The following PDE11A variants were observed in gnomAD, a reference collection of about 807,000 sequenced individuals.
PDE11A encodes phosphodiesterase 11A.
In PDE11A, 100 loss-of-function variants were observed where a neutral mutation model predicts 100.5. That is an observed-to-expected ratio of 1.00 (90% CI 0.85 to 1.18). PDE11A has a LOEUF of 1.18. Among genes scored for constraint, PDE11A ranks in the 50% most tolerant of loss-of-function variants. The probability of loss-of-function intolerance (pLI) is 0.00; values close to 1 mark genes in which losing one functional copy is unlikely to be tolerated. For missense variants in PDE11A, 1,141 were observed against 1,152.6 expected, an observed-to-expected ratio of 0.99 and a Z score of 0.15; for synonymous variants, 381 against 420.8, an observed-to-expected ratio of 0.91 and a Z score of 1.16.
chr2:178,103,679 T>C (rs1483220085), intron 2 of PDE11A, among the ~76,000 whole-genome samples: 1 of 151,586 alleles, frequency 6.6e-6, no homozygotes, highest in Non-Finnish European at 1.5e-5. Context: ...ATATATATAA[T>C]CTCAAAAAAG....
chr2:177,863,390 A>G lies in PDE11A; in HGVS notation c.1367+12469T>C, dbSNP rs74853180. Among the ~76,000 whole-genome samples, 1,104 of 152,166 alleles carry G rather than the reference A, an allele frequency of 7.3e-3. 13 individuals carry two copies. The highest frequency in any genetic ancestry group is 0.025 in the African/African-American group (1,028 of 41,568). On this transcript the variant is annotated intron_variant, in intron 5 of 19. Coordinates refer to ENST00000286063, the MANE Select transcript of PDE11A (RefSeq NM_016953.4). ...AAGGAAACAACCAACAAAATGAAAT[A>G]GCAAACTATGTATTGGGAACAAATA...
intron 6 of PDE11A, among the ~76,000 whole-genome samples, chr2:177,831,096 G>A (rs190697808): frequency 6.6e-6 from 1 of 152,256 alleles, no homozygotes; most frequent in Admixed American, 6.5e-5. Context: ...GCATTCAGAA[G>A]GCAAATAATC....
chr2:177,667,337 G>A (rs570721238), intron 18 of PDE11A, among the ~76,000 whole-genome samples: 1 of 152,080 alleles, frequency 6.6e-6, no homozygotes, highest in Non-Finnish European at 1.5e-5. Context: ...CCCCTATCCA[G>A]AAGATTTATA....
intron 2 of PDE11A, among the ~76,000 whole-genome samples, chr2:177,946,983 C>A (rs867377500): frequency 1.2e-5 from 1 of 84,196 alleles, no homozygotes; most frequent in Non-Finnish European, 2.6e-5. Context: ...GCCCCCCGCC[C>A]GGCCAGCCGC....
At chr2:177,785,897 G>T (rs1399943334) in intron 9 of PDE11A, among the ~76,000 whole-genome samples, 1 of 152,238 alleles carries the variant, frequency 6.6e-6, no homozygotes, top group Admixed American at 6.5e-5. Context: ...CTTGAACTGG[G>T]TGGAGCCCAC....
chr2:177,687,703 T>C lies in PDE11A; in HGVS notation c.2346-6800A>G, dbSNP rs1574045300. Reference sequence around the variant, plus strand: ...CTCTCTGTGTATATGAATATGTACATGTATATGTAAAATTGCTGGGTCATA... The same window carrying C: ...CTCTCTGTGTATATGAATATGTACACGTATATGTAAAATTGCTGGGTCATA... On this transcript the variant is annotated intron_variant, in intron 15 of 19. Transcript: ENST00000286063. The C allele has an allele frequency of 2.0e-5, 3 of 152,348 alleles. No individual in the cohort carries two copies. In the South Asian group the frequency reaches 6.2e-4, roughly 32 times the overall value. 9.4% of individuals were successfully genotyped at this position (152,348 alleles called of 1,614,324 possible).
chr2:177,863,340 C>T (rs904211637), intron 5 of PDE11A, among the ~76,000 whole-genome samples: 1 of 151,886 alleles, frequency 6.6e-6, no homozygotes, highest in Non-Finnish European at 1.5e-5. Context: ...GGGACTACAT[C>T]AAATGAAAAA....
intron 12 of PDE11A, among the ~76,000 whole-genome samples, chr2:177,712,345 T>C (rs1008117120): frequency 3.4e-5 from 5 of 148,526 alleles, no homozygotes; most frequent in Non-Finnish European, 4.5e-5. Flanking sequence ...AACCCTTCTT[T>C]TTTTTTTTTT....
At position 177,772,028 on chromosome 2, in the gene PDE11A, TA is replaced by T. The variant is rs543497530; in HGVS notation, c.1738-2656del. Among the ~76,000 whole-genome samples the T allele has an allele frequency of 2.2e-3, 334 of 151,892 alleles. 1 individual carries two copies. The highest frequency in any genetic ancestry group is 7.8e-3 in the African/African-American group (323 of 41,420). ...ATAAATAAATAAATAAATAAATAAA[TA>T]AAAATAATGCTACTTTCTGATCATA... On this transcript the variant is annotated intron_variant, in intron 9 of 19. Transcript: ENST00000286063.
chr2:177,845,605 C>T (rs1456050266), intron 5 of PDE11A, among the ~76,000 whole-genome samples: 6 of 151,934 alleles, frequency 3.9e-5, no homozygotes, highest in African/African-American at 7.3e-5. Flanking sequence ...TGGGCAGAGA[C>T]GCTCCTCACT....
chr2:177,832,729 C>T (rs1178814143), intron 6 of PDE11A, among the ~76,000 whole-genome samples: 2 of 152,060 alleles, frequency 1.3e-5, no homozygotes, highest in African/African-American at 4.8e-5. Flanking sequence ...GGTATATGAC[C>T]TTCGAGAAAC....
intron 2 of PDE11A, among the ~76,000 whole-genome samples, chr2:177,955,513 G>A (rs1348546167): frequency 6.6e-6 from 1 of 152,162 alleles, no homozygotes; most frequent in African/African-American, 2.4e-5. Context: ...CTAGGACAGT[G>A]CTTCCCAATT....
chr2:177,967,681 C>T (rs889337150), intron 2 of PDE11A, among the ~76,000 whole-genome samples: 10 of 152,016 alleles, frequency 6.6e-5, no homozygotes, highest in Admixed American at 4.6e-4. Flanking sequence ...CCCCAATCTA[C>T]TGTCTCCCCA....
intron 1 of PDE11A, among the ~76,000 whole-genome samples, chr2:178,064,395 C>T (rs1023429491): frequency 6.6e-6 from 1 of 152,152 alleles, no homozygotes; most frequent in Non-Finnish European, 1.5e-5. Context: ...CACGAATAAA[C>T]AGAATAACTT....
At chr2:177,968,569 A>G (rs2085728182) in intron 2 of PDE11A, among the ~76,000 whole-genome samples, 1 of 152,244 alleles carries the variant, frequency 6.6e-6, no homozygotes, top group Non-Finnish European at 1.5e-5. Flanking sequence ...AACTATTTTA[A>G]AAAGCAAACA....
At chr2:177,960,736 A>G (rs752597798) in intron 2 of PDE11A, among the ~76,000 whole-genome samples, 2 of 152,252 alleles carry the variant, frequency 1.3e-5, no homozygotes, top group Admixed American at 6.5e-5. Flanking sequence ...CATGTACAAC[A>G]TAGCTATTTA....
chr2:177,759,202 C>T (rs1243041338), intron 10 of PDE11A, among the ~76,000 whole-genome samples: 1 of 141,236 alleles, frequency 7.1e-6, no homozygotes, highest in Non-Finnish European at 1.5e-5. Flanking sequence ...CACACACACA[C>T]GCACACACAA....
intron 12 of PDE11A, among the ~76,000 whole-genome samples, chr2:177,717,572 C>T (rs2081459455): frequency 6.6e-6 from 1 of 152,052 alleles, no homozygotes; most frequent in African/African-American, 2.4e-5. Context: ...CCTGTATTCC[C>T]TCACAGTTCG....
chr2:178,101,288 T>C (rs1334991094), intron 2 of PDE11A, among the ~76,000 whole-genome samples: 3 of 152,186 alleles, frequency 2.0e-5, no homozygotes, highest in East Asian at 1.9e-4. Context: ...AAATCAGGAC[T>C]AGTCAGGGGA....
Sources: gnomAD v4.1 joint callset for allele counts (sites outside exome capture counted in the v4.1 genomes callset) on GRCh38, gnomAD v4.1.1 for gene constraint, MANE v1.5 for transcripts, NCBI Gene and HGNC (gene_info 2026-07-23, HGNC 2026-07-21) for gene names.